The following AIF1L variants were observed in gnomAD, a reference collection of about 807,000 sequenced individuals.
The protein encoded by AIF1L is allograft inflammatory factor 1-like.
Under a neutral mutation model 20.7 loss-of-function variants are expected in AIF1L, and 12 were observed. The observed-to-expected ratio is 0.58, with a 90% CI of 0.37 to 0.94. The LOEUF (loss-of-function observed/expected upper bound fraction) is 0.94, where lower values mean the gene tolerates loss of function less well. Among genes scored for constraint, AIF1L ranks in the 40% least tolerant of loss-of-function variants. AIF1L has a pLI of 0.01. For synonymous variants in AIF1L, 76 were observed against 65.1 expected (o/e 1.17, Z -0.81); for missense variants, 173 against 185.3 (o/e 0.93, Z 0.39).
intron 2 of AIF1L, among the ~76,000 whole-genome samples, chr9:131,100,678 C>T (rs1302122996): frequency 6.6e-6 from 1 of 152,220 alleles, no homozygotes; most frequent in Non-Finnish European, 1.5e-5. Flanking sequence ...AGCTGGCATT[C>T]CCCGAGCCCT....
chr9:131,109,067 C>A (rs929445728), intron 2 of AIF1L, among the ~76,000 whole-genome samples: 1 of 152,200 alleles, frequency 6.6e-6, no homozygotes, highest in East Asian at 1.9e-4. Flanking sequence ...CATTGCACAT[C>A]ATTTTAAACA....
chr9:131,104,136 G>A (rs1588180715), intron 2 of AIF1L, among the ~76,000 whole-genome samples: 1 of 152,250 alleles, frequency 6.6e-6, no homozygotes, highest in East Asian at 1.9e-4. Context: ...TGCATTTCCT[G>A]GCCCTTTGCT....
intron 2 of AIF1L, among the ~76,000 whole-genome samples, chr9:131,100,988 C>T (rs547685515): frequency 6.6e-6 from 1 of 152,118 alleles, no homozygotes; most frequent in African/African-American, 2.4e-5. Flanking sequence ...ACCTCCACCC[C>T]CTAAGTTTAC....
At chr9:131,102,876 C>T (rs1564164163) in intron 2 of AIF1L, 1 of 456,198 alleles carries the variant, frequency 2.2e-6, no homozygotes, top group African/African-American at 2.0e-5. Context: ...CCACCAGCCC[C>T]TTGGATGGCC....
At chr9:131,099,670 G>A (rs1012454398) in intron 2 of AIF1L, among the ~76,000 whole-genome samples, 2 of 152,106 alleles carry the variant, frequency 1.3e-5, no homozygotes, top group Admixed American at 1.3e-4. Flanking sequence ...TCCCTTTGGG[G>A]CCTTTCTCCT....
At chr9:131,110,455 T>C (rs1322448734) in intron 2 of AIF1L, among the ~76,000 whole-genome samples, 2 of 151,894 alleles carry the variant, frequency 1.3e-5, no homozygotes, top group Admixed American at 1.3e-4. Context: ...ATTTTCCCGT[T>C]AGAGCAGAGA....
chr9:131,114,502 A>T, intron 3 of AIF1L, 75 bp from the exon 4 acceptor site: 1 of 1,550,158 alleles, frequency 6.5e-7, no homozygotes, highest in South Asian at 1.1e-5. Flanking sequence ...TCATTTGCCC[A>T]CAAGGGAGCC....
At chr9:131,111,832 G>A (rs530234993) in intron 3 of AIF1L, 169 bp downstream of exon 3, 14 of 684,754 alleles carry the variant, frequency 2.0e-5, no homozygotes, top group Non-Finnish European at 3.4e-5. Flanking sequence ...TGAGAGGTGG[G>A]GAGAGGCCCC....
intron 5 of AIF1L, among the ~76,000 whole-genome samples, chr9:131,118,952 A>G (rs1194841999): frequency 2.6e-5 from 4 of 152,342 alleles, no homozygotes; most frequent in East Asian, 3.9e-4. Context: ...TCTTGATGCT[A>G]TTACTTGCTA....
Position 131,096,808 on chromosome 9 carries a change from A to G in AIF1L, c.38A>G (p.Lys13Arg), listed in dbSNP as rs1830538490. 3 of 1,534,822 alleles carry G rather than the reference A, an allele frequency of 2.0e-6. No homozygotes were observed. The East Asian group carries it at 7.8e-5, about 40-fold the overall frequency. The change falls in exon 2 of 6, where the codon AAG becomes AGG. Residue 13 changes from lysine to arginine, a missense_variant. Transcript: ENST00000247291. ...GELSNRFQGGKAFGLLKARQE... is the reference protein window; with the variant it reads ...GELSNRFQGGRAFGLLKARQE... ...GCCTCTTTGTCTCCTCCAGGAGGGAAGGCGTTCGGCTTGCTCAAAGCCCGG... is the reference window on the plus strand; with the variant it reads ...GCCTCTTTGTCTCCTCCAGGAGGGAGGGCGTTCGGCTTGCTCAAAGCCCGG...
chr9:131,096,608 C>A lies in AIF1L; in HGVS notation c.-22C>A. 1 of 1,484,744 alleles carries A rather than the reference C, an allele frequency of 6.7e-7. No homozygotes were observed. Among genetic ancestry groups the A allele is most frequent in the South Asian group, 1.3e-5 (1 of 78,716 alleles). 92.0% of individuals were successfully genotyped at this position (1,484,744 alleles called of 1,614,324 possible). The stretch of plus-strand genomic sequence containing the variant: ...TCGCCGCGTCCGCGAAGCCTGGAGC[C>A]GGCGGGAGCCCCGCGCTCGCCATGT... On this transcript the variant is annotated 5_prime_UTR_variant, in exon 1 of 6. Transcript: ENST00000247291.
chr9:131,099,729 CT>C (rs5900920), intron 2 of AIF1L, among the ~76,000 whole-genome samples: 59,976 of 112,954 alleles, frequency 0.53, 15,232 homozygotes, highest in East Asian at 0.62. Flanking sequence ...TCAGCCTTAG[CT>C]TTTTTTTTTT....
At chr9:131,100,194 C>G (rs1830607041) in intron 2 of AIF1L, among the ~76,000 whole-genome samples, 1 of 152,110 alleles carries the variant, frequency 6.6e-6, no homozygotes. Context: ...GGCATGTGCC[C>G]CCATACCCTG....
At chr9:131,104,111 C>A (rs1830693512) in intron 2 of AIF1L, among the ~76,000 whole-genome samples, 1 of 152,232 alleles carries the variant, frequency 6.6e-6, no homozygotes, top group Non-Finnish European at 1.5e-5. Flanking sequence ...TGTCACCCCC[C>A]AGCTCCTGCC....
chr9:131,115,766 G>C (rs551255209), intron 4 of AIF1L, among the ~76,000 whole-genome samples: 34 of 152,050 alleles, frequency 2.2e-4, no homozygotes, highest in Admixed American at 3.9e-4. Flanking sequence ...ATGAGATCAG[G>C]AGTTCGAGAC....
At chr9:131,116,018 T>C (rs1831004551) in intron 4 of AIF1L, among the ~76,000 whole-genome samples, 1 of 151,502 alleles carries the variant, frequency 6.6e-6, no homozygotes, top group Non-Finnish European at 1.5e-5. Context: ...AAACACATTT[T>C]CATCATTAAA....
intron 2 of AIF1L, among the ~76,000 whole-genome samples, chr9:131,108,688 C>T (rs1041579684): frequency 1.3e-5 from 2 of 152,202 alleles, no homozygotes; most frequent in Non-Finnish European, 2.9e-5. Flanking sequence ...GCCCTGTTGC[C>T]AGGTAGGTTT....
rs925004865 is a variant in AIF1L, at chr9:131,107,729, G to A, written c.94-3868G>A. On this transcript the variant is annotated intron_variant, in intron 2 of 5. Coordinates refer to ENST00000247291, the MANE Select transcript of AIF1L (RefSeq NM_031426.4). ...AAAGTTGGCACTCGTATATTAGTGCGCCCCTCTGCCCCGCCTTTAAAAATG... is the reference window on the plus strand; with the variant it reads ...AAAGTTGGCACTCGTATATTAGTGCACCCCTCTGCCCCGCCTTTAAAAATG... 1.2e-4 allele frequency among the ~76,000 whole-genome samples: 19 copies of A among 152,300 alleles called. No homozygotes were observed. The East Asian group carries it at 1.7e-3, about 14-fold the overall frequency.
chr9:131,096,651 A>G lies in AIF1L; in HGVS notation c.22A>G (p.Arg8Gly). 1 of 1,480,454 alleles carries G rather than the reference A, an allele frequency of 6.8e-7. No homozygotes were observed. Among genetic ancestry groups the G allele is most frequent in the Non-Finnish European group, 8.9e-7 (1 of 1,123,236 alleles). The allele number at this position is 1,480,454 out of a possible 1,614,324, so 91.7% of individuals were successfully genotyped here. Residue 8 changes from arginine (R) to glycine (G), a missense_variant, in exon 1 of 6, where the codon AGG becomes GGG. Coordinates refer to ENST00000247291, the MANE Select transcript of AIF1L (RefSeq NM_031426.4). ...CGCCATGTCGGGCGAGCTCAGCAACAGGTTCCAAGGTAGGCGCCGCCGTCC... is the reference window on the plus strand; with the variant it reads ...CGCCATGTCGGGCGAGCTCAGCAACGGGTTCCAAGGTAGGCGCCGCCGTCC... MSGELSN[R>G]FQGGKAFGLL...
Sources: gnomAD v4.1 joint callset for allele counts (sites outside exome capture counted in the v4.1 genomes callset) on GRCh38, gnomAD v4.1.1 for gene constraint, MANE v1.5 for transcripts, NCBI Gene and HGNC (gene_info 2026-07-23, HGNC 2026-07-21) for gene names.